The following PHKB variants were observed in gnomAD, a reference collection of about 807,000 sequenced individuals.
The protein encoded by PHKB is phosphorylase b kinase regulatory subunit beta.
In PHKB, 122 loss-of-function variants were observed where a neutral mutation model predicts 152.1. The observed-to-expected ratio is 0.80, with a 90% confidence interval of 0.69 to 0.93. PHKB has a LOEUF of 0.93. PHKB is among the 40% of genes least tolerant of loss of function. The pLI, the probability that PHKB is intolerant of heterozygous loss-of-function variation, is 0.00. For synonymous variants in PHKB, 436 were observed against 464.9 expected (o/e 0.94, Z 0.80); for missense variants, 1,304 against 1,328.4 (o/e 0.98, Z 0.29).
chr16:47,662,345 A>G (rs1365476775), intron 23 of PHKB, among the ~76,000 whole-genome samples: 1 of 152,230 alleles, frequency 6.6e-6, no homozygotes, highest in African/African-American at 2.4e-5. Context: ...ATGTGGAGTC[A>G]CCACTGTAAG....
intron 7 of PHKB, among the ~76,000 whole-genome samples, chr16:47,575,562 A>C (rs1303217421): frequency 6.6e-6 from 1 of 152,222 alleles, no homozygotes; most frequent in Non-Finnish European, 1.5e-5. Context: ...CATGGATGAC[A>C]CTGGAGGCTA....
At chr16:47,536,694 C>G (rs1970958247) in intron 6 of PHKB, among the ~76,000 whole-genome samples, 1 of 152,178 alleles carries the variant, frequency 6.6e-6, no homozygotes, top group South Asian at 2.1e-4. Flanking sequence ...AATCTCATCT[C>G]AGTTCTGGGT....
intron 7 of PHKB, chr16:47,566,813 A>C (rs1204431134): frequency 6.9e-6 from 5 of 724,992 alleles, no homozygotes; most frequent in Non-Finnish European, 1.3e-5. Context: ...TGCTTCCTCC[A>C]CCAGTCCCTC....
rs574067248 is a variant in PHKB, at chr16:47,494,066, A to G, written c.77-3333A>G. The stretch of plus-strand genomic sequence containing the variant: ...GGATTCAGATCCCAACAGGGGCCTT[A>G]GCAGAGATTCCTGCTGACTTTGGCA... On this transcript the variant is annotated intron_variant, in intron 1 of 30. Transcript: ENST00000323584. 8.5e-5 allele frequency among the ~76,000 whole-genome samples: 13 copies of G among 152,350 alleles called. No homozygotes were observed. In the South Asian group the frequency reaches 2.7e-3, roughly 32 times the overall value.
intron 20 of PHKB, among the ~76,000 whole-genome samples, chr16:47,653,548 AT>A (rs1973277618): frequency 6.6e-6 from 1 of 152,130 alleles, no homozygotes; most frequent in African/African-American, 2.4e-5. Flanking sequence ...TACCTTAAAC[AT>A]TTTTTTCCAC....
At position 47,617,812 on chromosome 16, in the gene PHKB, G is replaced by A. The variant is rs567272097; in HGVS notation, c.1458+6892G>A. ...TGGCTAACCTTATTGATGAGTCAGG[G>A]ATCTGGTTGGGAACAAAGAAGACTC... On this transcript the variant is annotated intron_variant, in intron 14 of 30. Transcript: ENST00000323584. Among the ~76,000 whole-genome samples the A allele has an allele frequency of 8.5e-5, 13 of 152,292 alleles. 1 individual carries two copies. Among genetic ancestry groups the A allele is most frequent in the African/African-American group, 2.9e-4 (12 of 41,566 alleles).
intron 26 of PHKB, among the ~76,000 whole-genome samples, chr16:47,674,662 G>A (rs1222155022): frequency 6.6e-6 from 1 of 152,182 alleles, no homozygotes; most frequent in African/African-American, 2.4e-5. Context: ...TATTTGCAGA[G>A]GAAATAATAT....
intron 1 of PHKB, among the ~76,000 whole-genome samples, chr16:47,495,190 CTT>C (rs200655920): frequency 5.8e-5 from 8 of 137,366 alleles, no homozygotes; most frequent in Non-Finnish European, 6.4e-5. Flanking sequence ...AACAGAACTC[CTT>C]TTTTTTTTTT....
chr16:47,544,707 T>C (rs976278695), intron 6 of PHKB, among the ~76,000 whole-genome samples: 2 of 152,186 alleles, frequency 1.3e-5, no homozygotes, highest in Non-Finnish European at 2.9e-5. Flanking sequence ...CTCCCATTAT[T>C]ATTGTGTGGG....
intron 2 of PHKB, among the ~76,000 whole-genome samples, chr16:47,498,095 T>G (rs1250437871): frequency 1.3e-5 from 2 of 152,196 alleles, no homozygotes; most frequent in Non-Finnish European, 2.9e-5. Context: ...TTTATGCCAT[T>G]TACTTGTACT....
At chr16:47,668,549 C>G (rs1445329689) in intron 25 of PHKB, among the ~76,000 whole-genome samples, 3 of 152,160 alleles carry the variant, frequency 2.0e-5, no homozygotes, top group African/African-American at 7.2e-5. Context: ...AGCTTATTCC[C>G]CTTGCCAGCT....
chr16:47,696,501 A>G lies in PHKB; in HGVS notation c.3003+13A>G. The G allele has an allele frequency of 7.2e-7, 1 of 1,386,150 alleles. No individual in the cohort carries two copies. The allele number at this position is 1,386,150 out of a possible 1,614,324, so 85.9% of individuals were successfully genotyped here. The stretch of plus-strand genomic sequence containing the variant: ...GATCGTTGTAGAGGTGAGTAGTAAG[A>G]AATGAAGATTGCTGAATAAATGCCT... On this transcript the variant is annotated intron_variant, in intron 29 of 30. Transcript: ENST00000323584.
chr16:47,497,918 T>C (rs1049326851), intron 2 of PHKB, among the ~76,000 whole-genome samples: 6 of 152,216 alleles, frequency 3.9e-5, no homozygotes, highest in East Asian at 1.9e-4. Flanking sequence ...ATTATTAATA[T>C]CAGGGCGCTT....
At chr16:47,511,828 TC>T in intron 5 of PHKB, 56 bp downstream of exon 5, 3 of 1,173,360 alleles carry the variant, frequency 2.6e-6, no homozygotes, top group Non-Finnish European at 3.8e-6. Context: ...AGAACAGTGA[TC>T]CCCAACCTTT....
At chr16:47,682,064 C>A (rs960360218) in intron 26 of PHKB, among the ~76,000 whole-genome samples, 1 of 152,198 alleles carries the variant, frequency 6.6e-6, no homozygotes, top group Admixed American at 6.5e-5. Context: ...GTTGAAAATT[C>A]TTTCCTTTAA....
At chr16:47,493,230 G>A (rs1970180444) in intron 1 of PHKB, among the ~76,000 whole-genome samples, 1 of 152,192 alleles carries the variant, frequency 6.6e-6, no homozygotes, top group Non-Finnish European at 1.5e-5. Context: ...GAGCAGGAGG[G>A]GGGAAGGGAA....
intron 1 of PHKB, among the ~76,000 whole-genome samples, chr16:47,479,346 C>A (rs1233536371): frequency 6.6e-6 from 1 of 152,108 alleles, no homozygotes; most frequent in African/African-American, 2.4e-5. Flanking sequence ...ATCTTACTTT[C>A]TAGGGATTGT....
At chr16:47,462,849 A>G (rs1213273911) in intron 1 of PHKB, 5 of 151,452 alleles carry the variant, frequency 3.3e-5, no homozygotes, top group African/African-American at 4.9e-5. Flanking sequence ...TTATATACTT[A>G]GGGTTATAGT....
At chr16:47,495,834 G>C (rs1260091926) in intron 1 of PHKB, among the ~76,000 whole-genome samples, 1 of 152,146 alleles carries the variant, frequency 6.6e-6, no homozygotes, top group South Asian at 2.1e-4. Context: ...AGGTCTCTCC[G>C]TTCCTCACTA....
Sources: allele counts gnomAD v4.1 joint callset (sites outside exome capture counted in the v4.1 genomes callset), GRCh38; gene constraint gnomAD v4.1.1; transcripts MANE v1.5; gene names NCBI Gene and HGNC (gene_info 2026-07-23, HGNC 2026-07-21).